Variants in KDM3A observed in about 807,000 individuals in gnomAD.
KDM3A encodes lysine-specific demethylase 3A.
KDM3A carries 60 observed loss-of-function variants against 158.0 expected under a neutral mutation model. The observed-to-expected ratio is 0.38, with a 90% CI of 0.31 to 0.47. The LOEUF is 0.47. KDM3A is among the 20% of genes least tolerant of loss of function. The pLI is 0.99. For synonymous variants in KDM3A, 608 were observed against 549.3 expected, an observed-to-expected ratio of 1.11 and a Z score of -1.49; for missense variants, 1,319 against 1,574.3, an observed-to-expected ratio of 0.84 and a Z score of 2.74.
intron 9 of KDM3A, 142 bp downstream of exon 9, chr2:86,464,358 G>A (rs1673048546): frequency 1.3e-5 from 7 of 558,642 alleles, no homozygotes; most frequent in Non-Finnish European, 2.1e-5. Flanking sequence ...TTTTGAAGGT[G>A]AAAAGTATAG....
rs201396988 is a variant in KDM3A at position 86,483,989 on chromosome 2, A to G, written c.2925A>G (p.Pro975=). Residue 975 remains proline (P), a splice_region_variant and synonymous_variant, in exon 19 of 26, where the codon CCA becomes CCG. Transcript: ENST00000312912. Reference sequence around the variant, plus strand: ...AAGTTTTCCTTCTCTTCATTTAGCCAGTGATGGTGTCTGGAGTGCATCATA... The same window carrying G: ...AAGTTTTCCTTCTCTTCATTTAGCCGGTGATGGTGTCTGGAGTGCATCATA... ...VFRECWKQGQ[P]VMVSGVHHKL... 21 of 1,609,130 alleles carry G rather than the reference A, an allele frequency of 1.3e-5. No individual in the cohort carries two copies. The East Asian group carries it at 4.7e-4, about 36-fold the overall frequency.
chr2:86,462,107 G>C (rs1168438268), intron 8 of KDM3A, among the ~76,000 whole-genome samples: 1 of 152,098 alleles, frequency 6.6e-6, no homozygotes, highest in Non-Finnish European at 1.5e-5. Flanking sequence ...TAGTAGTAGT[G>C]ACATGAAAAG....
At chr2:86,482,139 T>C (rs1479195131) in intron 17 of KDM3A, 37 bp downstream of exon 17, 8 of 1,592,786 alleles carry the variant, frequency 5.0e-6, no homozygotes, top group Non-Finnish European at 6.9e-6. Flanking sequence ...TGTTTTAAAG[T>C]TGAAGACAGA....
In KDM3A at chr2:86,474,793, A is replaced by G. The variant is rs777912719; in HGVS notation, c.1742A>G (p.His581Arg). The stretch of plus-strand genomic sequence containing the variant: ...TCCCCTAGGTTACAATTCAACAAAC[A>G]TGGTGTGTTGCGGGTAGAAGGCTTC... ...FHFRRLQFNK[H>R]GVLRVEGFLT... Residue 581 changes from histidine to arginine, a missense_variant, in exon 12 of 26, where the codon CAT becomes CGT. This residue lies in a region of KDM3A where 113 missense variants were observed against 190.5 expected (regional missense o/e 0.59). Coordinates refer to ENST00000312912, the MANE Select transcript of KDM3A (RefSeq NM_018433.6). The G allele has an allele frequency of 2.5e-6, 4 of 1,612,934 alleles. No homozygotes were observed. The highest frequency in any genetic ancestry group is 1.7e-5 in the Admixed American group (1 of 59,910).
intron 8 of KDM3A, among the ~76,000 whole-genome samples, chr2:86,461,967 C>T (rs772980767): frequency 3.9e-5 from 6 of 152,040 alleles, no homozygotes; most frequent in Non-Finnish European, 8.8e-5. Flanking sequence ...AGTGGACTGC[C>T]GTGATCTTAT....
At chr2:86,439,733 AG>A (rs1332218343), upstream of KDM3A, among the ~76,000 whole-genome samples, 2 of 152,148 alleles carry the variant, frequency 1.3e-5, no homozygotes, top group Non-Finnish European at 2.9e-5. Flanking sequence ...GCGTCACCTT[AG>A]GATAGGCCAT....
At position 86,482,551 on chromosome 2, in the gene KDM3A, C is replaced by T; in HGVS notation, c.2779C>T (p.Pro927Ser). The T allele has an allele frequency of 1.2e-6, 2 of 1,614,134 alleles. No homozygotes were observed. Among genetic ancestry groups the T allele is most frequent in the South Asian group, 1.1e-5 (1 of 91,074 alleles). The stretch of plus-strand genomic sequence containing the variant: ...GACGACTTCTGATTTATCTAAGAGG[C>T]CTCAAGGACTAACCATCAAGCCCAG... ...NKTTSDLSKR[P>S]QGLTIKPSIL... The change falls in exon 18 of 26, where the codon CCT (proline) becomes TCT (serine). Residue 927 changes from proline (P) to serine (S), a missense_variant. Transcript: ENST00000312912.
chr2:86,470,669 C>G (rs768838198), intron 11 of KDM3A, among the ~76,000 whole-genome samples: 1 of 151,942 alleles, frequency 6.6e-6, no homozygotes, highest in African/African-American at 2.4e-5. Context: ...AGAAAAATGT[C>G]GAAGGTTCTG....
chr2:86,467,945 G>A (rs759695801), intron 10 of KDM3A, among the ~76,000 whole-genome samples: 17 of 152,104 alleles, frequency 1.1e-4, no homozygotes, highest in Non-Finnish European at 1.8e-4. Flanking sequence ...GGGGTTGCTT[G>A]ACCCCAGGAG....
intron 2 of KDM3A, among the ~76,000 whole-genome samples, chr2:86,448,754 C>T (rs563932460): frequency 6.6e-6 from 1 of 152,212 alleles, no homozygotes; most frequent in African/African-American, 2.4e-5. Context: ...TAACTAATTC[C>T]TGGAAACCAA....
intron 4 of KDM3A, among the ~76,000 whole-genome samples, chr2:86,453,985 A>C (rs1672582132): frequency 6.6e-6 from 1 of 152,124 alleles, no homozygotes; most frequent in Non-Finnish European, 1.5e-5. Context: ...TCTGTATTAC[A>C]TTTATCATAA....
At chr2:86,457,691 C>T (rs921563755) in intron 8 of KDM3A, among the ~76,000 whole-genome samples, 2 of 152,084 alleles carry the variant, frequency 1.3e-5, no homozygotes, top group East Asian at 1.9e-4. Flanking sequence ...AGGGAAGGAG[C>T]CTTAGAATTC....
At chr2:86,464,029 A>G in intron 8 of KDM3A, 24 bp from the exon 9 acceptor site, 1 of 1,478,372 alleles carries the variant, frequency 6.8e-7, no homozygotes, top group East Asian at 2.5e-5. Flanking sequence ...TCCTTTTAAT[A>G]TCTGTTGGTT....
rs1673346651 is a variant in KDM3A, at chr2:86,470,352, G to A, written c.1668G>A (p.Lys556=). 6.2e-7 allele frequency: 1 copy of A among 1,614,072 alleles called. No individual in the cohort carries two copies. The highest frequency in any genetic ancestry group is 8.5e-7 in the Non-Finnish European group (1 of 1,179,970). ...AGTGTCGCTTGGACAGTCTCCGCAA[G>A]GATAAGGAGCAACAGAAGGACTCAC... ...CRECRLDSLR[K]DKEQQKDSPV... The change falls in exon 11 of 26, where the codon AAG becomes AAA. Residue 556 remains lysine (K), a synonymous_variant. Coordinates refer to ENST00000312912, the MANE Select transcript of KDM3A (RefSeq NM_018433.6).
At chr2:86,482,767 C>T (rs907213011) in intron 18 of KDM3A, 73 bp downstream of exon 18, 3 of 1,407,010 alleles carry the variant, frequency 2.1e-6, no homozygotes, top group African/African-American at 2.8e-5. Context: ...CTTCTGACAA[C>T]CCCACCCCAG....
rs748428714 is a variant in KDM3A, at chr2:86,456,572, GACA to G, written c.681+11_681+13del. On this transcript the variant is annotated splice_region_variant and intron_variant, in intron 6 of 25. Coordinates refer to ENST00000312912, the MANE Select transcript of KDM3A (RefSeq NM_018433.6). ...TTCAAGTCAACTGTGAGGAGGTAAA[GACA>G]ACAATAACTCTTTGTAAGATAACTC... 14 of 1,602,000 alleles carry G rather than the reference GACA, an allele frequency of 8.7e-6. No individual in the cohort carries two copies. Among genetic ancestry groups the G allele is most frequent in the Non-Finnish European group, 1.2e-5 (14 of 1,175,704 alleles).
At position 86,466,645 on chromosome 2, in the gene KDM3A, A is replaced by T; in HGVS notation, c.1281A>T (p.Glu427Asp). ...CLPTKASSKA[E>D]LEIANPPELQ... ...CTACAAAGGCTTCTTCTAAGGCAGA[A>T]TTGGAAATTGCCAATCCTCCTGAAC... Residue 427 changes from glutamate (E) to aspartate (D), a missense_variant, in exon 10 of 26, where the codon GAA becomes GAT. Coordinates refer to ENST00000312912, the MANE Select transcript of KDM3A (RefSeq NM_018433.6). 2 of 1,613,978 alleles carry T rather than the reference A, an allele frequency of 1.2e-6. No homozygotes were observed. The highest frequency in any genetic ancestry group is 1.7e-6 in the Non-Finnish European group (2 of 1,179,884).
intron 25 of KDM3A, 137 bp from the exon 26 acceptor site, chr2:86,491,902 C>G (rs1471820802): frequency 1.6e-6 from 1 of 630,648 alleles, no homozygotes; most frequent in Non-Finnish European, 2.8e-6. Context: ...GGACCTTTTG[C>G]AATGTTGACA....
intron 12 of KDM3A, among the ~76,000 whole-genome samples, chr2:86,476,139 G>T (rs1290003894): frequency 3.3e-5 from 5 of 152,156 alleles, no homozygotes; most frequent in African/African-American, 9.7e-5. Flanking sequence ...ATTTTCAATA[G>T]AGATACAAAG....
Sources: gnomAD v4.1 joint callset for allele counts (sites outside exome capture counted in the v4.1 genomes callset) on GRCh38, gnomAD v4.1.1 for gene constraint, gnomAD v4.1.1 regional missense constraint, MANE v1.5 for transcripts, NCBI Gene and HGNC (gene_info 2026-07-23, HGNC 2026-07-21) for gene names.